PCLO: variants seen among roughly 807,000 people sequenced by gnomAD.
The protein encoded by PCLO is piccolo presynaptic cytomatrix protein, also known as protein piccolo.
In PCLO, 82 loss-of-function variants were observed where a neutral mutation model predicts 427.5. The observed-to-expected ratio is 0.19, with a 90% CI of 0.16 to 0.23. PCLO has a LOEUF of 0.23. PCLO is among the 10% of genes least tolerant of loss of function. The pLI is 1.00. For synonymous variants in PCLO, 2,357 were observed against 2,155.4 expected (o/e 1.09, Z -2.59); for missense variants, 6,239 against 6,115.9 (o/e 1.02, Z -0.67).
At position 82,955,716 on chromosome 7, in the gene PCLO, C is replaced by T. The variant is rs756373609; in HGVS notation, c.5237G>A (p.Ser1746Asn). The change falls in exon 5 of 25, where the codon AGT becomes AAT. Residue 1746 changes from serine to asparagine, a missense_variant. Transcript: ENST00000333891. Reference sequence around the variant, plus strand: ...CTGTTTGCTCTCTCCTTTTTTGTGACTCGGGCTACTGTCACTGTCCTCATC... The same window carrying T: ...CTGTTTGCTCTCTCCTTTTTTGTGATTCGGGCTACTGTCACTGTCCTCATC... ...SLDEDSDSSP[S>N]HKKGESKQQR... is the part of the protein sequence containing the mutation. 2 of 1,613,848 alleles carry T rather than the reference C, an allele frequency of 1.2e-6. No individual in the cohort carries two copies. Among genetic ancestry groups the T allele is most frequent in the African/African-American group, 1.3e-5 (1 of 74,988 alleles).
intron 8 of PCLO, among the ~76,000 whole-genome samples, chr7:82,904,745 GT>G (rs1185345003): frequency 6.6e-6 from 1 of 151,914 alleles, no homozygotes; most frequent in Non-Finnish European, 1.5e-5. Flanking sequence ...TTTTTCACCA[GT>G]TTTATCAAAT....
intron 3 of PCLO, among the ~76,000 whole-genome samples, chr7:82,971,346 A>C (rs1795898602): frequency 6.6e-6 from 1 of 151,576 alleles, no homozygotes; most frequent in Non-Finnish European, 1.5e-5. Flanking sequence ...CAAATGAGTT[A>C]TAGTTTTATC....
intron 22 of PCLO, among the ~76,000 whole-genome samples, chr7:82,792,926 T>C (rs1483587780): frequency 6.6e-6 from 1 of 152,148 alleles, no homozygotes; most frequent in Non-Finnish European, 1.5e-5. Flanking sequence ...CTTGCCTCTT[T>C]AATATTCATT....
Position 83,156,155 on chromosome 7 carries a change from A to G in PCLO, c.486T>C (p.Ala162=), listed in dbSNP as rs778520967. The change falls in exon 2 of 25, where the codon GCT becomes GCC. Residue 162 remains alanine, a synonymous_variant. Transcript: ENST00000333891. ...TTACAACAGAGGAAACAGCACTTAA[A>G]GCGTTAACCTCTGAGAGGAAGCCAG... ...MMPGFLSEVN[A]LSAVSSVVNK... 3 of 1,613,714 alleles carry G rather than the reference A, an allele frequency of 1.9e-6. No individual in the cohort carries two copies. The East Asian group carries it at 6.7e-5, about 36-fold the overall frequency.
At chr7:82,897,396 C>T (rs560868050) in intron 9 of PCLO, among the ~76,000 whole-genome samples, 7 of 151,476 alleles carry the variant, frequency 4.6e-5, no homozygotes, top group African/African-American at 1.7e-4. Context: ...AAATTATGAA[C>T]CATTTAATAG....
chr7:83,030,494 A>G (rs1788640391), intron 3 of PCLO, among the ~76,000 whole-genome samples: 1 of 152,104 alleles, frequency 6.6e-6, no homozygotes, highest in South Asian at 2.1e-4. Flanking sequence ...AATCTTTTCA[A>G]CTCCTATCTC....
chr7:83,134,447 A>G lies in PCLO; in HGVS notation c.3103T>C (p.Ser1035Pro), dbSNP rs750940308. The change falls in exon 3 of 25, where the codon TCT becomes CCT. Residue 1035 changes from serine (S) to proline (P), a missense_variant. Physicochemically the swap from Ser to Pro is moderately conservative, Grantham distance 74. Coordinates refer to ENST00000333891, the MANE Select transcript of PCLO (RefSeq NM_033026.6). Reference sequence around the variant, plus strand: ...GCCTTTTGAGGCTCAGCTGTTAAAGATTTGCTATCCTTAATAGGTGGTGGC... The same window carrying G: ...GCCTTTTGAGGCTCAGCTGTTAAAGGTTTGCTATCCTTAATAGGTGGTGGC... The part of the protein sequence containing the change: ...KKPPPIKDSK[S>P]LTAEPQKAVL... 1.9e-6 allele frequency: 3 copies of G among 1,613,566 alleles called. No homozygotes were observed. The African/African-American group carries it at 4.0e-5, about 22-fold the overall frequency.
chr7:82,786,750 C>G (rs1187153786), intron 22 of PCLO, among the ~76,000 whole-genome samples: 1 of 151,980 alleles, frequency 6.6e-6, no homozygotes, highest in East Asian at 1.9e-4. Context: ...AGCTCCCCAC[C>G]CCCCAACAGG....
intron 7 of PCLO, among the ~76,000 whole-genome samples, chr7:82,914,127 A>T (rs1050565284): frequency 4.6e-5 from 7 of 152,056 alleles, no homozygotes; most frequent in Admixed American, 3.3e-4. Flanking sequence ...TAAGGAAAAT[A>T]ACAAAATTCT....
chr7:83,013,495 T>C (rs1788137223), intron 3 of PCLO, among the ~76,000 whole-genome samples: 1 of 152,184 alleles, frequency 6.6e-6, no homozygotes, highest in Non-Finnish European at 1.5e-5. Flanking sequence ...CCTTGCATAG[T>C]GTCTACAACA....
chr7:82,998,450 C>G (rs898978731), intron 3 of PCLO, among the ~76,000 whole-genome samples: 1 of 151,036 alleles, frequency 6.6e-6, no homozygotes, highest in Non-Finnish European at 1.5e-5. Flanking sequence ...TAATCCAGTG[C>G]TTGAACTGCT....
In PCLO at chr7:82,755,171, A is replaced by G. The variant is rs903917943; in HGVS notation, c.*3404T>C. ...AATCAATATCAGCTGGTTACCAGCT[A>G]TAATATTCCCACAATATGACTATTT... On this transcript the variant is annotated 3_prime_UTR_variant, in exon 25 of 25. Coordinates refer to ENST00000333891, the MANE Select transcript of PCLO (RefSeq NM_033026.6). 1 of 152,154 alleles carries G rather than the reference A, an allele frequency of 6.6e-6. No individual in the cohort carries two copies. Among genetic ancestry groups the G allele is most frequent in the Non-Finnish European group, 1.5e-5 (1 of 68,010 alleles). 9.4% of individuals were successfully genotyped at this position (152,154 alleles called of 1,614,324 possible). A position where few individuals can be genotyped will look rare whatever the true frequency, so the allele number is the denominator to read the frequency against.
intron 22 of PCLO, among the ~76,000 whole-genome samples, chr7:82,792,530 G>A (rs1791125640): frequency 6.6e-6 from 1 of 151,894 alleles, no homozygotes; most frequent in African/African-American, 2.4e-5. Context: ...GTTTTGTCAT[G>A]TTGCCTAGGC....
At chr7:82,968,811 G>A (rs1040182239) in intron 3 of PCLO, among the ~76,000 whole-genome samples, 7 of 152,030 alleles carry the variant, frequency 4.6e-5, no homozygotes, top group South Asian at 2.1e-4. Flanking sequence ...GAGCCACTGC[G>A]CCCAGCCCCA....
chr7:82,765,430 A>C (rs1790513573), intron 22 of PCLO, among the ~76,000 whole-genome samples: 1 of 152,044 alleles, frequency 6.6e-6, no homozygotes, highest in South Asian at 2.1e-4. Flanking sequence ...GGAACAGAAA[A>C]AAAGTAGATA....
intron 3 of PCLO, among the ~76,000 whole-genome samples, chr7:82,999,013 A>G (rs1787706629): frequency 6.6e-6 from 1 of 151,016 alleles, no homozygotes; most frequent in Admixed American, 6.7e-5. Context: ...AATGTTAGGG[A>G]TAAAAAAAAC....
chr7:82,785,170 C>T (rs185836135), intron 22 of PCLO, among the ~76,000 whole-genome samples: 1 of 152,164 alleles, frequency 6.6e-6, no homozygotes, highest in African/African-American at 2.4e-5. Flanking sequence ...ACAATTATTC[C>T]ATGGATTGGG....
chr7:82,951,358 C>A lies in PCLO; in HGVS notation c.9230G>T (p.Cys3077Phe), dbSNP rs769569026. 27 of 1,607,152 alleles carry A rather than the reference C, an allele frequency of 1.7e-5. No homozygotes were observed. The highest frequency in any genetic ancestry group is 2.2e-5 in the Non-Finnish European group (26 of 1,176,518). The change falls in exon 6 of 25, where the codon TGT (cysteine) becomes TTT (phenylalanine). Residue 3077 changes from cysteine (C) to phenylalanine (F), a missense_variant. Cys to Phe is a radical substitution (Grantham distance 205). Transcript: ENST00000333891. Reference protein sequence around the residue: ...RMTPPPGPQYCVGSVLRSSNG... With the variant: ...RMTPPPGPQYFVGSVLRSSNG... ...AGATGACCTCAAAACACTCCCCACA[C>A]AATACTGGGGTCCTGGTGGTGGTGT...
chr7:83,005,031 G>A (rs896349940), intron 3 of PCLO, among the ~76,000 whole-genome samples: 1 of 151,370 alleles, frequency 6.6e-6, no homozygotes, highest in Non-Finnish European at 1.5e-5. Context: ...ATAAGTGTTG[G>A]AAAGGGTAGG....
Sources: allele counts gnomAD v4.1 joint callset (sites outside exome capture counted in the v4.1 genomes callset), GRCh38; gene constraint gnomAD v4.1.1; transcripts MANE v1.5; gene names NCBI Gene and HGNC (gene_info 2026-07-23, HGNC 2026-07-21).